MYH9: variants seen among roughly 807,000 people sequenced by gnomAD.
MYH9 encodes the protein myosin-9.
Under a neutral mutation model 241.9 loss-of-function variants are expected in MYH9, and 29 were observed. That is an observed-to-expected ratio of 0.12 (90% CI 0.09 to 0.16). The LOEUF (loss-of-function observed/expected upper bound fraction) is 0.16, where lower values mean the gene tolerates loss of function less well. MYH9 is among the 10% of genes least tolerant of loss of function. The pLI, the probability that MYH9 is intolerant of heterozygous loss-of-function variation, is 1.00. For synonymous variants in MYH9, 1,047 were observed against 1,062.6 expected, an observed-to-expected ratio of 0.99 and a Z score of 0.29; for missense variants, 1,803 against 2,595.5, an observed-to-expected ratio of 0.69 and a Z score of 6.63.
chr22:36,299,637 G>A (rs1361428539), intron 23 of MYH9, among the ~76,000 whole-genome samples: 1 of 152,134 alleles, frequency 6.6e-6, no homozygotes, highest in South Asian at 2.1e-4. Flanking sequence ...CCCGAAAGGT[G>A]GGGAGGCTGC....
intron 11 of MYH9, among the ~76,000 whole-genome samples, chr22:36,317,306 CT>C (rs528701935): frequency 1.4e-3 from 199 of 145,158 alleles, no homozygotes; most frequent in Admixed American, 1.0e-3. Context: ...AAGTTTAATT[CT>C]TTTTTTTTTT....
intron 1 of MYH9, among the ~76,000 whole-genome samples, chr22:36,358,929 C>T (rs1231973718): frequency 1.3e-5 from 2 of 152,204 alleles, no homozygotes; most frequent in African/African-American, 4.8e-5. Context: ...CCCACCCATT[C>T]ATCTTGCCCC....
At chr22:36,375,955 CT>C (rs751350180) in intron 1 of MYH9, among the ~76,000 whole-genome samples, 6,667 of 88,980 alleles carry the variant, frequency 0.075, 65 homozygotes, top group African/African-American at 0.12. Context: ...TCAATAATTT[CT>C]TTTTTTTTTT....
chr22:36,379,827 C>T (rs1442755194), intron 1 of MYH9, among the ~76,000 whole-genome samples: 2 of 152,210 alleles, frequency 1.3e-5, no homozygotes, highest in Admixed American at 6.5e-5. Context: ...CAGCGCTTGG[C>T]GGGCTAGCTA....
At chr22:36,310,164 G>T (rs546111864) in intron 14 of MYH9, among the ~76,000 whole-genome samples, 18 of 150,092 alleles carry the variant, frequency 1.2e-4, no homozygotes, top group Admixed American at 4.3e-4. Context: ...CAGCCCCTAG[G>T]GGGGCTGAGG....
At chr22:36,338,636 G>A (rs1017874071) in intron 3 of MYH9, among the ~76,000 whole-genome samples, 15 of 151,928 alleles carry the variant, frequency 9.9e-5, no homozygotes, top group Non-Finnish European at 4.4e-5. Context: ...TGACCAACAT[G>A]GTGAAACCCC....
chr22:36,348,849 C>A (rs546429435), intron 2 of MYH9, 55 bp downstream of exon 2: 14 of 1,029,470 alleles, frequency 1.4e-5, no homozygotes, highest in East Asian at 1.1e-4. Flanking sequence ...CCGCCCCCCC[C>A]CCCCACCTCG....
At chr22:36,374,947 A>G (rs1344265286) in intron 1 of MYH9, among the ~76,000 whole-genome samples, 1 of 151,974 alleles carries the variant, frequency 6.6e-6, no homozygotes, top group African/African-American at 2.4e-5. Context: ...TACAATCTCG[A>G]AGGCTGCCTC....
chr22:36,327,183 T>C lies in MYH9; in HGVS notation c.518+278A>G, dbSNP rs146434110. Among the ~76,000 whole-genome samples the C allele has an allele frequency of 6.9e-4, 105 of 152,192 alleles. No individual in the cohort carries two copies. In the East Asian group the frequency reaches 0.019, roughly 27 times the overall value. ...ACGGAGGAGCTGGTTCCCAGCTGGA[T>C]TGTGGAGAGATCTTGCTTTTCCTTT... On this transcript the variant is annotated intron_variant, in intron 4 of 40. Coordinates refer to ENST00000216181, the MANE Select transcript of MYH9 (RefSeq NM_002473.6).
intron 1 of MYH9, among the ~76,000 whole-genome samples, chr22:36,365,760 CT>C (rs1172722845): frequency 6.6e-6 from 1 of 152,130 alleles, no homozygotes; most frequent in Non-Finnish European, 1.5e-5. Flanking sequence ...CGCACCCGGC[CT>C]TTTTTTAAAT....
At chr22:36,315,689 A>G (rs771258570) in intron 12 of MYH9, among the ~76,000 whole-genome samples, 7 of 152,178 alleles carry the variant, frequency 4.6e-5, no homozygotes, top group East Asian at 1.9e-4. Context: ...TCGAAGCTGC[A>G]GTGAGCCATG....
In MYH9 at chr22:36,330,902, C is replaced by G. The variant is rs1052331356; in HGVS notation, c.491-3414G>C. ...CCGTGGTAGGCGCCTGAACCCACTG[C>G]CCCAGCCCCTCTCTTGGTGAGGGTG... On this transcript the variant is annotated intron_variant, in intron 3 of 40. Transcript: ENST00000216181. The surrounding 1 kb of genome is among the most constrained non-coding windows in gnomAD (Gnocchi z 4.5). 2.6e-5 allele frequency among the ~76,000 whole-genome samples: 4 copies of G among 152,116 alleles called. No homozygotes were observed. Among genetic ancestry groups the G allele is most frequent in the Non-Finnish European group, 5.9e-5 (4 of 68,024 alleles).
At position 36,308,685 on chromosome 22, in the gene MYH9, G is replaced by A. The variant is rs904022901; in HGVS notation, c.1843+597C>T. 8 of 388,956 alleles carry A rather than the reference G, an allele frequency of 2.1e-5. No individual in the cohort carries two copies. The East Asian group carries it at 5.1e-4, about 25-fold the overall frequency. 24.1% of individuals were successfully genotyped at this position (388,956 alleles called of 1,614,324 possible). ...AGCCCAGGGGCAGATCAGGGAACGGGGGTGTAAGCAGGCAGGAAAAGCCAA... is the reference window on the plus strand; with the variant it reads ...AGCCCAGGGGCAGATCAGGGAACGGAGGTGTAAGCAGGCAGGAAAAGCCAA... On this transcript the variant is annotated intron_variant, in intron 15 of 40. Coordinates refer to ENST00000216181, the MANE Select transcript of MYH9 (RefSeq NM_002473.6).
intron 2 of MYH9, among the ~76,000 whole-genome samples, chr22:36,347,247 AT>A (rs2017691225): frequency 3.3e-5 from 5 of 151,856 alleles, no homozygotes; most frequent in Non-Finnish European, 7.4e-5. Context: ...GACGCCCCTG[AT>A]CTGCTGCATG....
intron 1 of MYH9, among the ~76,000 whole-genome samples, chr22:36,383,355 C>T (rs532028044): frequency 2.0e-5 from 3 of 152,334 alleles, no homozygotes; most frequent in South Asian, 4.1e-4. Flanking sequence ...CCACAGGAAA[C>T]CATGTGTTTG....
intron 1 of MYH9, among the ~76,000 whole-genome samples, chr22:36,357,216 C>T (rs558261477): frequency 6.6e-5 from 10 of 152,102 alleles, no homozygotes; most frequent in African/African-American, 1.2e-4. Context: ...GACACTCAAG[C>T]GAAGAGTGTC....
At chr22:36,382,461 C>A (rs765082698) in intron 1 of MYH9, among the ~76,000 whole-genome samples, 1 of 146,982 alleles carries the variant, frequency 6.8e-6, no homozygotes, top group South Asian at 2.2e-4. Context: ...GGCAACAGAG[C>A]GAGACTCAGT....
chr22:36,300,029 A>AAGC lies in MYH9; in HGVS notation c.2976+95_2976+97dup, dbSNP rs2016849637. On this transcript the variant is annotated intron_variant, in intron 23 of 40. Transcript: ENST00000216181. The surrounding 1 kb of genome is among the most constrained non-coding windows in gnomAD (Gnocchi z 5.0). ...TCATGCTGCAGGCAGAAGAGACAGGAAGCAGCAGCAGCGGGGAGCCAGGCC... is the reference window on the plus strand; with the variant it reads ...TCATGCTGCAGGCAGAAGAGACAGGAAGCAGCAGCAGCAGCGGGGAGCCAGGCC... The AAGC allele has an allele frequency of 6.6e-7, 1 of 1,523,898 alleles. No individual in the cohort carries two copies. Among genetic ancestry groups the AAGC allele is most frequent in the African/African-American group, 1.4e-5 (1 of 73,326 alleles). The allele number at this position is 1,523,898 out of a possible 1,614,324, so 94.4% of individuals were successfully genotyped here. A position where few individuals can be genotyped will look rare whatever the true frequency, so the allele number is the denominator to read the frequency against.
intron 1 of MYH9, among the ~76,000 whole-genome samples, chr22:36,365,534 T>C (rs539249825): frequency 1.3e-5 from 2 of 152,252 alleles, no homozygotes; most frequent in African/African-American, 2.4e-5. Flanking sequence ...TGGCACAATC[T>C]TGGCTCGCTG....
Sources: allele counts gnomAD v4.1 joint callset (sites outside exome capture counted in the v4.1 genomes callset), GRCh38; gene constraint gnomAD v4.1.1; non-coding constraint Gnocchi (gnomAD v3.1); transcripts MANE v1.5; gene names NCBI Gene and HGNC (gene_info 2026-07-23, HGNC 2026-07-21).